Variants in KPNA1 observed in about 807,000 individuals in gnomAD.
The protein encoded by KPNA1 is karyopherin subunit alpha 1.
Under a neutral mutation model 70.5 loss-of-function variants are expected in KPNA1, and 10 were observed. That is an observed-to-expected ratio of 0.14 (90% CI 0.09 to 0.24). KPNA1 has a LOEUF of 0.24. Among genes scored for constraint, KPNA1 ranks in the 10% least tolerant of loss-of-function variants. KPNA1 has a pLI of 1.00. For synonymous variants in KPNA1, 192 were observed against 221.9 expected (o/e 0.87, Z 1.20); for missense variants, 397 against 637.9 (o/e 0.62, Z 4.07).
At chr3:122,505,400 T>C (rs1175055597) in intron 1 of KPNA1, among the ~76,000 whole-genome samples, 1 of 152,128 alleles carries the variant, frequency 6.6e-6, no homozygotes, top group African/African-American at 2.4e-5. Context: ...AGGCTGAAGT[T>C]GGACTGAAGA....
At chr3:122,476,521 G>T (rs930816621) in intron 2 of KPNA1, among the ~76,000 whole-genome samples, 1 of 152,036 alleles carries the variant, frequency 6.6e-6, no homozygotes, top group South Asian at 2.1e-4. Context: ...CCGTACATCA[G>T]ATAAGGGGTT....
intron 4 of KPNA1, among the ~76,000 whole-genome samples, chr3:122,462,976 A>G (rs1200103175): frequency 6.6e-6 from 1 of 152,132 alleles, no homozygotes; most frequent in African/African-American, 2.4e-5. Context: ...TAATCCCAGT[A>G]TTTTGGGAGG....
At chr3:122,480,484 A>G (rs1052841472) in intron 2 of KPNA1, among the ~76,000 whole-genome samples, 2 of 152,092 alleles carry the variant, frequency 1.3e-5, no homozygotes, top group Non-Finnish European at 2.9e-5. Flanking sequence ...TAGTGAAATA[A>G]ACTTTTTTCA....
chr3:122,475,431 G>C (rs2076486232), intron 2 of KPNA1, among the ~76,000 whole-genome samples: 1 of 152,140 alleles, frequency 6.6e-6, no homozygotes, highest in Non-Finnish European at 1.5e-5. Context: ...ACTAACCAAA[G>C]CTATCTACAG....
At chr3:122,504,301 A>AT (rs35024931) in intron 1 of KPNA1, among the ~76,000 whole-genome samples, 18,123 of 151,996 alleles carry the variant, frequency 0.12, 1,288 homozygotes, top group East Asian at 0.32. Context: ...ACAGATGACC[A>AT]TTTTTTTCAC....
intron 2 of KPNA1, among the ~76,000 whole-genome samples, chr3:122,480,179 T>C (rs191232524): frequency 5.3e-5 from 8 of 152,140 alleles, no homozygotes; most frequent in Admixed American, 3.9e-4. Context: ...GAGGGACAAA[T>C]AGGTGGAGCA....
At position 122,427,271 on chromosome 3, in the gene KPNA1, C is replaced by T. The variant is rs1399382629; in HGVS notation, c.1430-99G>A. The T allele has an allele frequency of 7.8e-6, 7 of 898,990 alleles. No homozygotes were observed. In the East Asian group the frequency reaches 1.8e-4, roughly 24 times the overall value. 55.7% of individuals were successfully genotyped at this position (898,990 alleles called of 1,614,324 possible). Reference sequence around the variant, plus strand: ...CTAAACTATATTTTGTCATATATCTCTGTTCTTGATGTAAAGAAAGATTAT... The same window carrying T: ...CTAAACTATATTTTGTCATATATCTTTGTTCTTGATGTAAAGAAAGATTAT... On this transcript the variant is annotated intron_variant, in intron 13 of 13. Transcript: ENST00000344337.
At chr3:122,466,300 A>C (rs1322560677) in intron 3 of KPNA1, among the ~76,000 whole-genome samples, 1 of 152,190 alleles carries the variant, frequency 6.6e-6, no homozygotes, top group East Asian at 1.9e-4. Context: ...GTTCTCAGAA[A>C]GAATAAATAG....
intron 2 of KPNA1, among the ~76,000 whole-genome samples, chr3:122,482,496 C>T (rs967965433): frequency 3.3e-5 from 5 of 152,114 alleles, no homozygotes; most frequent in Non-Finnish European, 5.9e-5. Context: ...CCATTAAGTT[C>T]TAGTCAGTAC....
intron 2 of KPNA1, among the ~76,000 whole-genome samples, chr3:122,488,589 T>C (rs1053604034): frequency 4.6e-4 from 70 of 152,318 alleles, no homozygotes; most frequent in African/African-American, 1.6e-3. Flanking sequence ...ATAAAATAAT[T>C]TGATAGCTGG....
intron 2 of KPNA1, among the ~76,000 whole-genome samples, chr3:122,489,057 C>CGTGT (rs34002370): frequency 0.016 from 2,062 of 130,686 alleles, 32 homozygotes; most frequent in East Asian, 0.031. Flanking sequence ...TTTTTGCGTG[C>CGTGT]GTGTGTGTGT....
In KPNA1 at chr3:122,433,569, TTTACTC is replaced by T. The variant is rs1324130074; in HGVS notation, c.1250+86_1250+91del. The T allele has an allele frequency of 7.5e-6, 8 of 1,067,764 alleles. No individual in the cohort carries two copies. The Admixed American group carries it at 8.3e-5, about 11-fold the overall frequency. The allele number at this position is 1,067,764 out of a possible 1,614,324, so 66.1% of individuals were successfully genotyped here. ...TTTTCCCCTCAAAGGCAGCTAATCT[TTTACTC>T]TAGGTAATATGTGGGAGGTTATAAA... On this transcript the variant is annotated intron_variant, in intron 12 of 13. Transcript: ENST00000344337.
At position 122,426,975 on chromosome 3, in the gene KPNA1, G is replaced by C; in HGVS notation, c.*10C>G. On this transcript the variant is annotated 3_prime_UTR_variant, in exon 14 of 14. Coordinates refer to ENST00000344337, the MANE Select transcript of KPNA1 (RefSeq NM_002264.4). ...GGTCTGACACAGGTACGTGAAAGCA[G>C]AGTATTGCTTCAAAGCTGGAAACCT... 1.2e-6 allele frequency: 2 copies of C among 1,611,648 alleles called. No individual in the cohort carries two copies. The highest frequency in any genetic ancestry group is 1.7e-6 in the Non-Finnish European group (2 of 1,177,852).
At chr3:122,502,780 T>C (rs150279657) in intron 1 of KPNA1, among the ~76,000 whole-genome samples, 1 of 152,256 alleles carries the variant, frequency 6.6e-6, no homozygotes, top group Non-Finnish European at 1.5e-5. Flanking sequence ...CTATGAAATA[T>C]CACAATATGG....
At chr3:122,462,188 G>C (rs1560034090) in intron 4 of KPNA1, among the ~76,000 whole-genome samples, 1 of 151,568 alleles carries the variant, frequency 6.6e-6, no homozygotes, top group Admixed American at 6.6e-5. Flanking sequence ...AAATAACACA[G>C]AAAAAGAACA....
chr3:122,465,758 T>A (rs1186851216), intron 3 of KPNA1, among the ~76,000 whole-genome samples: 1 of 152,176 alleles, frequency 6.6e-6, no homozygotes, highest in African/African-American at 2.4e-5. Context: ...AAAAATTAGC[T>A]GGGGGTAGTG....
rs1276432916 is a variant in KPNA1 at position 122,422,481 on chromosome 3, A to T, written c.*4504T>A. 6.6e-6 allele frequency: 1 copy of T among 152,104 alleles called. No homozygotes were observed. The highest frequency in any genetic ancestry group is 1.5e-5 in the Non-Finnish European group (1 of 68,026). 9.4% of individuals were successfully genotyped at this position (152,104 alleles called of 1,614,324 possible). A position where few individuals can be genotyped will look rare whatever the true frequency, so the allele number is the denominator to read the frequency against. ...GTAACCTAAAAGCAACTTAAGCCTGATTTCGTCATTTTAAGGGTGCTGATG... is the reference window on the plus strand; with the variant it reads ...GTAACCTAAAAGCAACTTAAGCCTGTTTTCGTCATTTTAAGGGTGCTGATG... On this transcript the variant is annotated 3_prime_UTR_variant, in exon 14 of 14. Transcript: ENST00000344337.
rs535141768 is a variant in KPNA1, at chr3:122,484,750, A to T, written c.129+11687T>A. Among the ~76,000 whole-genome samples, 5 of 152,314 alleles carry T rather than the reference A, an allele frequency of 3.3e-5. No homozygotes were observed. The South Asian group carries it at 1.0e-3, about 32-fold the overall frequency. On this transcript the variant is annotated intron_variant, in intron 2 of 13. Coordinates refer to ENST00000344337, the MANE Select transcript of KPNA1 (RefSeq NM_002264.4). ...AGATACTGTGCTCATGGGTCAGAGG[A>T]CTCAAGATTGTTAACAGTATCAATT...
chr3:122,447,053 A>C (rs1227160096), intron 9 of KPNA1, among the ~76,000 whole-genome samples: 1 of 152,236 alleles, frequency 6.6e-6, no homozygotes, highest in Non-Finnish European at 1.5e-5. Flanking sequence ...AAAAAAGCCC[A>C]GGACCAGATG....
Sources: gnomAD v4.1 joint callset for allele counts (sites outside exome capture counted in the v4.1 genomes callset) on GRCh38, gnomAD v4.1.1 for gene constraint, MANE v1.5 for transcripts, NCBI Gene and HGNC (gene_info 2026-07-23, HGNC 2026-07-21) for gene names.